USP32: variants seen among roughly 807,000 people sequenced by gnomAD.
The protein encoded by USP32 is ubiquitin carboxyl-terminal hydrolase 32.
In USP32, 59 loss-of-function variants were observed where a neutral mutation model predicts 204.8. That is an observed-to-expected ratio of 0.29 (90% CI 0.23 to 0.36). USP32 has a LOEUF of 0.36. Ranked by LOEUF, USP32 falls within the 10% of genes least tolerant of loss-of-function variation. USP32 has a pLI of 1.00. For synonymous variants in USP32, 517 were observed against 678.4 expected (o/e 0.76, Z 3.70); for missense variants, 1,160 against 1,946.4 (o/e 0.60, Z 7.60).
At chr17:60,382,540 A>T (rs2089662762) in intron 1 of USP32, among the ~76,000 whole-genome samples, 1 of 152,218 alleles carries the variant, frequency 6.6e-6, no homozygotes, top group African/African-American at 2.4e-5. Context: ...TAGCCATGGA[A>T]TATAAGAGAA....
At chr17:60,268,506 A>G (rs1221290504) in intron 7 of USP32, among the ~76,000 whole-genome samples, 1 of 150,574 alleles carries the variant, frequency 6.6e-6, no homozygotes, top group Non-Finnish European at 1.5e-5. Flanking sequence ...CCAGAAGTTC[A>G]AGGTTACAGT....
At chr17:60,204,617 T>G (rs1334192025) in intron 26 of USP32, among the ~76,000 whole-genome samples, 2 of 151,960 alleles carry the variant, frequency 1.3e-5, no homozygotes, top group African/African-American at 4.8e-5. Flanking sequence ...TACAGGCGCA[T>G]GCCACCATGC....
chr17:60,357,408 G>A (rs1181569910), intron 1 of USP32, among the ~76,000 whole-genome samples: 1 of 151,820 alleles, frequency 6.6e-6, no homozygotes, highest in Non-Finnish European at 1.5e-5. Context: ...AGCTATGATT[G>A]AACCCCTGCA....
At chr17:60,391,754 C>T (rs758277230) in intron 1 of USP32, 128 bp downstream of exon 1, 10 of 1,031,858 alleles carry the variant, frequency 9.7e-6, no homozygotes, top group Non-Finnish European at 1.4e-5. Flanking sequence ...TCCCCAAGGC[C>T]GGCCGCCTTT....
chr17:60,369,431 A>T (rs1255356823), intron 1 of USP32, among the ~76,000 whole-genome samples: 1 of 151,572 alleles, frequency 6.6e-6, no homozygotes, highest in Non-Finnish European at 1.5e-5. Flanking sequence ...CCTAAAAAAA[A>T]AAAAAAAAAA....
At chr17:60,250,316 T>G (rs2086134907) in intron 11 of USP32, among the ~76,000 whole-genome samples, 1 of 152,186 alleles carries the variant, frequency 6.6e-6, no homozygotes. Flanking sequence ...TAAGATTATA[T>G]CAACCTTATT....
chr17:60,394,493 T>C (rs1278321136), upstream of USP32, among the ~76,000 whole-genome samples: 1 of 152,108 alleles, frequency 6.6e-6, no homozygotes, highest in Non-Finnish European at 1.5e-5. Flanking sequence ...AGGACTAGAG[T>C]TGCAGTTTAG....
intron 2 of USP32, among the ~76,000 whole-genome samples, chr17:60,314,128 C>CTTTTTTTTT (rs35830572): frequency 5.7e-5 from 3 of 52,810 alleles, no homozygotes; most frequent in African/African-American, 7.9e-5. Flanking sequence ...TATTGTGTGG[C>CTTTTTTTTT]TTTTTTTTTT....
At chr17:60,392,284 C>G (rs2089855092), upstream of USP32, 1 of 382,390 alleles carries the variant, frequency 2.6e-6, no homozygotes, top group Non-Finnish European at 4.8e-6. Context: ...AGGCCAGACA[C>G]TGTTCCCGGT....
chr17:60,354,429 A>G (rs1402805900), intron 1 of USP32, among the ~76,000 whole-genome samples: 1 of 152,230 alleles, frequency 6.6e-6, no homozygotes, highest in Admixed American at 6.6e-5. Flanking sequence ...CCACAGAGAT[A>G]AATAAACATT....
chr17:60,265,967 A>G lies in USP32; in HGVS notation c.927+9T>C. On this transcript the variant is annotated intron_variant, in intron 8 of 33. Transcript: ENST00000300896. ...TATACGCAACAAGACATACACAATC[A>G]TAACTTACAGGAATATCATCAGTGC... is the stretch of plus-strand genomic sequence containing the variant. The G allele has an allele frequency of 6.2e-7, 1 of 1,605,028 alleles. No homozygotes were observed. Among genetic ancestry groups the G allele is most frequent in the Non-Finnish European group, 8.5e-7 (1 of 1,172,604 alleles).
At chr17:60,265,277 G>A in intron 9 of USP32, 135 bp downstream of exon 9, 1 of 524,428 alleles carries the variant, frequency 1.9e-6, no homozygotes, top group South Asian at 3.2e-5. Flanking sequence ...ACTTGGAGGT[G>A]TTTTACCCAC....
chr17:60,250,044 T>C (rs1271615161), intron 11 of USP32, among the ~76,000 whole-genome samples: 1 of 151,988 alleles, frequency 6.6e-6, no homozygotes, highest in Non-Finnish European at 1.5e-5. Flanking sequence ...ACAGATGAAA[T>C]GAACCCATTT....
intron 16 of USP32, among the ~76,000 whole-genome samples, chr17:60,215,012 G>A (rs1348732309): frequency 6.6e-6 from 1 of 152,092 alleles, no homozygotes; most frequent in Non-Finnish European, 1.5e-5. Flanking sequence ...TATGTTGCCA[G>A]ACTAGAGTGC....
At chr17:60,324,154 C>T (rs1442997039) in intron 2 of USP32, among the ~76,000 whole-genome samples, 3 of 151,960 alleles carry the variant, frequency 2.0e-5, no homozygotes, top group Non-Finnish European at 4.4e-5. Context: ...CATGGTGGTG[C>T]ACTTGTGGTC....
intron 12 of USP32, among the ~76,000 whole-genome samples, chr17:60,233,162 T>G (rs995163963): frequency 1.3e-5 from 2 of 152,224 alleles, no homozygotes; most frequent in African/African-American, 4.8e-5. Flanking sequence ...GTACTTACTA[T>G]GTACCAGACA....
rs377389862 is a variant in USP32 at position 60,181,597 on chromosome 17, C to T, written c.4275G>A (p.Glu1425=). ...GSKNKLSSSK[E]NLDASKENGA... ...CATTTTCTTTGCTGGCATCCAAGTT[C>T]TCTTTACTACTTGACAGTTTATTTT... Residue 1425 remains glutamate, a synonymous_variant, in exon 32 of 34, where the codon GAG becomes GAA. Transcript: ENST00000300896. The T allele has an allele frequency of 5.6e-6, 9 of 1,613,920 alleles. No individual in the cohort carries two copies. Among genetic ancestry groups the T allele is most frequent in the African/African-American group, 1.3e-5 (1 of 74,942 alleles).
intron 2 of USP32, among the ~76,000 whole-genome samples, chr17:60,335,949 T>G (rs1244062649): frequency 7.0e-6 from 1 of 143,238 alleles, no homozygotes; most frequent in Non-Finnish European, 1.5e-5. Flanking sequence ...CTATTAAGGA[T>G]AGAAGTTTCT....
At chr17:60,298,792 G>A (rs552114029) in intron 3 of USP32, among the ~76,000 whole-genome samples, 1 of 152,186 alleles carries the variant, frequency 6.6e-6, no homozygotes, top group African/African-American at 2.4e-5. Flanking sequence ...CTTGATTATG[G>A]TAATGGTTTA....
Sources: allele counts gnomAD v4.1 joint callset (sites outside exome capture counted in the v4.1 genomes callset), GRCh38; gene constraint gnomAD v4.1.1; transcripts MANE v1.5; gene names NCBI Gene and HGNC (gene_info 2026-07-23, HGNC 2026-07-21).